SPHKAP: variants seen among roughly 807,000 people sequenced by gnomAD.
The protein encoded by SPHKAP is A-kinase anchor protein SPHKAP.
SPHKAP carries 67 observed loss-of-function variants against 137.5 expected under a neutral mutation model. The observed-to-expected ratio is 0.49, with a 90% CI of 0.40 to 0.60. The LOEUF is 0.60. Ranked by LOEUF, SPHKAP falls within the 20% of genes least tolerant of loss-of-function variation. SPHKAP has a pLI of 0.00. For synonymous variants in SPHKAP, 813 were observed against 785.3 expected, an observed-to-expected ratio of 1.04 and a Z score of -0.59; for missense variants, 2,097 against 2,069.3, an observed-to-expected ratio of 1.01 and a Z score of -0.26.
At chr2:228,120,905 G>T (rs1698881468) in intron 2 of SPHKAP, among the ~76,000 whole-genome samples, 1 of 152,176 alleles carries the variant, frequency 6.6e-6, no homozygotes, top group Non-Finnish European at 1.5e-5. Context: ...GGTTTAAGCA[G>T]AATCAAGTTA....
chr2:228,025,155 A>G (rs990058506), intron 5 of SPHKAP, among the ~76,000 whole-genome samples: 5 of 152,252 alleles, frequency 3.3e-5, no homozygotes, highest in African/African-American at 1.2e-4. Flanking sequence ...TCTAGTTCAA[A>G]TACAACTTAG....
At chr2:228,048,554 A>T (rs186389380) in intron 3 of SPHKAP, among the ~76,000 whole-genome samples, 2 of 152,248 alleles carry the variant, frequency 1.3e-5, no homozygotes, top group Admixed American at 1.3e-4. Context: ...CGCATATATG[A>T]CTGTTCCCAT....
rs572743422 is a variant in SPHKAP at position 228,069,133 on chromosome 2, G to A, written c.246+39699C>T. 2.2e-4 allele frequency among the ~76,000 whole-genome samples: 34 copies of A among 152,286 alleles called. 1 individual carries two copies. The Middle Eastern group carries it at 0.014, about 61-fold the overall frequency. ...AATACAAAAATTAGCTGGGTGTGGT[G>A]GCAGGTGCCTGTGATCCCAGCTACT... On this transcript the variant is annotated intron_variant, in intron 3 of 11. Transcript: ENST00000392056.
At chr2:228,008,742 A>G (rs1030618803) in intron 7 of SPHKAP, among the ~76,000 whole-genome samples, 4 of 150,424 alleles carry the variant, frequency 2.7e-5, no homozygotes, top group Non-Finnish European at 5.9e-5. Flanking sequence ...TGAAGAGACT[A>G]TCTTCTCTTC....
At chr2:228,145,714 C>T (rs1699755873) in intron 1 of SPHKAP, among the ~76,000 whole-genome samples, 1 of 152,080 alleles carries the variant, frequency 6.6e-6, no homozygotes, top group Non-Finnish European at 1.5e-5. Context: ...ATATCAAAAA[C>T]ATTTAGCAAT....
intron 1 of SPHKAP, among the ~76,000 whole-genome samples, chr2:228,168,541 C>G (rs1198061962): frequency 6.6e-6 from 1 of 152,054 alleles, no homozygotes; most frequent in Non-Finnish European, 1.5e-5. Flanking sequence ...TTTTGGGGCA[C>G]CACACACCAT....
At chr2:228,115,034 G>T (rs1698659976) in intron 2 of SPHKAP, among the ~76,000 whole-genome samples, 1 of 152,108 alleles carries the variant, frequency 6.6e-6, no homozygotes. Flanking sequence ...TTGAAAGGTG[G>T]ATTTGTGTTG....
intron 3 of SPHKAP, among the ~76,000 whole-genome samples, chr2:228,063,427 A>G (rs1265106375): frequency 6.6e-6 from 1 of 152,200 alleles, no homozygotes; most frequent in African/African-American, 2.4e-5. Context: ...AGTAAGACAT[A>G]GTGTTGATGC....
intron 3 of SPHKAP, among the ~76,000 whole-genome samples, chr2:228,069,828 ACT>A (rs1027163436): frequency 2.6e-5 from 4 of 151,870 alleles, no homozygotes; most frequent in Admixed American, 1.3e-4. Context: ...CCATAGGAAG[ACT>A]CTGATTAGGT....
intron 1 of SPHKAP, among the ~76,000 whole-genome samples, chr2:228,139,974 T>C (rs1699551813): frequency 7.9e-6 from 1 of 126,216 alleles, no homozygotes; most frequent in Non-Finnish European, 1.8e-5. Flanking sequence ...AGATAGAGTC[T>C]TGCTCTTTTG....
At chr2:227,988,486 T>C (rs1239260876) in intron 11 of SPHKAP, among the ~76,000 whole-genome samples, 1 of 152,224 alleles carries the variant, frequency 6.6e-6, no homozygotes, top group Non-Finnish European at 1.5e-5. Context: ...AGTCAGGGCA[T>C]GATTTGTGTA....
chr2:228,001,731 C>T (rs1370105801), intron 7 of SPHKAP, among the ~76,000 whole-genome samples: 3 of 151,832 alleles, frequency 2.0e-5, no homozygotes, highest in Non-Finnish European at 2.9e-5. Flanking sequence ...CCCCGCAGCC[C>T]ACAACAGGCC....
At chr2:228,141,246 T>C (rs1382651441) in intron 1 of SPHKAP, among the ~76,000 whole-genome samples, 1 of 152,196 alleles carries the variant, frequency 6.6e-6, no homozygotes, top group Admixed American at 6.5e-5. Flanking sequence ...GTTGGATCTA[T>C]TACTCAACCC....
intron 5 of SPHKAP, among the ~76,000 whole-genome samples, chr2:228,023,214 C>T (rs2106222746): frequency 6.6e-6 from 1 of 152,266 alleles, no homozygotes; most frequent in East Asian, 1.9e-4. Context: ...AATCCTTCTC[C>T]AAGGGGTTTA....
chr2:228,066,444 AT>A (rs374022792), intron 3 of SPHKAP, among the ~76,000 whole-genome samples: 8 of 152,180 alleles, frequency 5.3e-5, no homozygotes, highest in Admixed American at 3.9e-4. Context: ...AAGGTAATTC[AT>A]TTTCTAGAAA....
At chr2:228,006,756 A>G (rs2106190619) in intron 7 of SPHKAP, among the ~76,000 whole-genome samples, 1 of 152,032 alleles carries the variant, frequency 6.6e-6, no homozygotes, top group South Asian at 2.1e-4. Context: ...TTTCCTTTTA[A>G]CAGTCAGGAC....
chr2:228,065,271 A>G (rs985373963), intron 3 of SPHKAP, among the ~76,000 whole-genome samples: 2 of 152,222 alleles, frequency 1.3e-5, no homozygotes, highest in Non-Finnish European at 2.9e-5. Context: ...TCCAACACAC[A>G]TGAAACAGCC....
At position 228,046,604 on chromosome 2, in the gene SPHKAP, T is replaced by G. The variant is rs926955802; in HGVS notation, c.247-19061A>C. Among the ~76,000 whole-genome samples, 3 of 152,288 alleles carry G rather than the reference T, an allele frequency of 2.0e-5. No homozygotes were observed. The East Asian group carries it at 5.8e-4, about 29-fold the overall frequency. The stretch of plus-strand genomic sequence containing the variant: ...GACAGCTACAGGATAGGGAACTGAG[T>G]TTTTTGTTTGTTTCTTTCATATTTC... On this transcript the variant is annotated intron_variant, in intron 3 of 11. Coordinates refer to ENST00000392056, the MANE Select transcript of SPHKAP (RefSeq NM_001142644.2).
chr2:228,002,001 G>A (rs978404595), intron 7 of SPHKAP, among the ~76,000 whole-genome samples: 1 of 152,106 alleles, frequency 6.6e-6, no homozygotes, highest in Non-Finnish European at 1.5e-5. Flanking sequence ...CCAAGTCTTT[G>A]CTATTGTGAG....
Sources: allele counts gnomAD v4.1 joint callset (sites outside exome capture counted in the v4.1 genomes callset), GRCh38; gene constraint gnomAD v4.1.1; transcripts MANE v1.5; gene names NCBI Gene and HGNC (gene_info 2026-07-23, HGNC 2026-07-21).